Variants in SPARCL1 observed in about 807,000 individuals in gnomAD.
SPARCL1 encodes SPARC-like protein 1.
In SPARCL1, 52 loss-of-function variants were observed where a neutral mutation model predicts 67.1. That is an observed-to-expected ratio of 0.78 (90% CI 0.62 to 0.98). The LOEUF (loss-of-function observed/expected upper bound fraction) is 0.98, where lower values mean the gene tolerates loss of function less well. Among genes scored for constraint, SPARCL1 ranks in the 50% least tolerant of loss-of-function variants. The pLI, the probability that SPARCL1 is intolerant of heterozygous loss-of-function variation, is 0.00. For missense variants in SPARCL1, 717 were observed against 782.4 expected (o/e 0.92, Z 1.00); for synonymous variants, 226 against 267.8 (o/e 0.84, Z 1.52).
intron 1 of SPARCL1, among the ~76,000 whole-genome samples, chr4:87,526,525 C>G (rs138766779): frequency 5.9e-5 from 9 of 152,060 alleles, no homozygotes; most frequent in African/African-American, 2.2e-4. Flanking sequence ...TATTATTATC[C>G]CCATTTTGCT....
chr4:87,501,005 C>T (rs190515046), intron 1 of SPARCL1, among the ~76,000 whole-genome samples: 8 of 152,258 alleles, frequency 5.3e-5, no homozygotes, highest in African/African-American at 1.7e-4. Context: ...AATTGCCTTC[C>T]TTTTAAAGCT....
intron 1 of SPARCL1, among the ~76,000 whole-genome samples, chr4:87,507,519 T>A (rs1725147000): frequency 6.6e-6 from 1 of 152,210 alleles, no homozygotes; most frequent in South Asian, 2.1e-4. Context: ...ACACATAGTT[T>A]CTCTCTTAAG....
intron 10 of SPARCL1, among the ~76,000 whole-genome samples, chr4:87,474,743 CTT>C (rs11397474): frequency 7.7e-6 from 1 of 130,708 alleles, no homozygotes; most frequent in Admixed American, 7.9e-5. Flanking sequence ...CTCTCTCTCT[CTT>C]TTTTTTTTTT....
At chr4:87,524,438 G>T (rs1221348816) in intron 1 of SPARCL1, among the ~76,000 whole-genome samples, 1 of 152,166 alleles carries the variant, frequency 6.6e-6, no homozygotes, top group Non-Finnish European at 1.5e-5. Context: ...GTCTTAAAGT[G>T]TGAAACTTAT....
In SPARCL1 at chr4:87,491,637, G is replaced by T. The variant is rs1560817441; in HGVS notation, c.1272C>A (p.Asn424Lys). ...SNEEETSSEG[N>K]MRVHAVDSCM... The stretch of plus-strand genomic sequence containing the variant: ...ACTCACCCACAGCATGCACCCTCAT[G>T]TTGCCTTCACTTGACGTTTCCTCCT... The change falls in exon 5 of 11, where the codon AAC becomes AAA. Residue 424 changes from asparagine (N) to lysine (K), a missense_variant. Transcript: ENST00000282470. 1 of 1,613,486 alleles carries T rather than the reference G, an allele frequency of 6.2e-7. No homozygotes were observed. Among genetic ancestry groups the T allele is most frequent in the Admixed American group, 1.7e-5 (1 of 60,014 alleles).
chr4:87,479,621 G>T (rs755015814), intron 9 of SPARCL1, 43 bp from the exon 10 acceptor site: 1 of 1,598,558 alleles, frequency 6.3e-7, no homozygotes, highest in Non-Finnish European at 8.6e-7. Flanking sequence ...AGTAGCTTGT[G>T]CATGAAGATT....
intron 1 of SPARCL1, among the ~76,000 whole-genome samples, chr4:87,511,963 TTCTC>T (rs201957817): frequency 1.7e-5 from 2 of 119,496 alleles, no homozygotes; most frequent in African/African-American, 3.5e-5. Flanking sequence ...TCCTCTTTCT[TTCTC>T]TTTTTTTTTT....
Position 87,486,780 on chromosome 4 carries a change from C to T in SPARCL1, c.1531+3493G>A, listed in dbSNP as rs557854844. On this transcript the variant is annotated intron_variant, in intron 7 of 10. Coordinates refer to ENST00000282470, the MANE Select transcript of SPARCL1 (RefSeq NM_004684.6). The stretch of plus-strand genomic sequence containing the variant: ...GCATATATGTTTAGGATAGTTAGCT[C>T]TTCTTGTTGCATTTATCTCTTTACC... 5.3e-5 allele frequency among the ~76,000 whole-genome samples: 8 copies of T among 149,960 alleles called. No homozygotes were observed. In the East Asian group the frequency reaches 1.4e-3, roughly 26 times the overall value.
At chr4:87,492,790 GACTTT>G (rs61422187) in intron 4 of SPARCL1, among the ~76,000 whole-genome samples, 45,354 of 118,022 alleles carry the variant, frequency 0.38, 7,194 homozygotes, top group African/African-American at 0.57. Flanking sequence ...GCTGGCACAG[GACTTT>G]GTGGCTGCCA....
Position 87,493,811 on chromosome 4 carries a change from G to T in SPARCL1, c.989C>A (p.Thr330Asn). 3 of 1,614,060 alleles carry T rather than the reference G, an allele frequency of 1.9e-6. No homozygotes were observed. The highest frequency in any genetic ancestry group is 2.2e-5 in the East Asian group (1 of 44,868). Residue 330 changes from threonine (T) to asparagine (N), a missense_variant, in exon 4 of 11, where the codon ACC becomes AAC. Transcript: ENST00000282470. ...LLMEPTDDGN[T>N]TPRNHGVDDD... is the part of the protein sequence containing the mutation. ...ATCAACTCCATGATTTCTGGGCGTG[G>T]TATTACCATCATCAGTAGGTTCCAT...
chr4:87,481,289 C>G, intron 8 of SPARCL1, among the ~76,000 whole-genome samples: 1 of 152,180 alleles, frequency 6.6e-6, no homozygotes, highest in East Asian at 1.9e-4. Flanking sequence ...TGCGCATTCT[C>G]TGCTCCCCAC....
At chr4:87,519,496 T>C (rs942509079) in intron 1 of SPARCL1, among the ~76,000 whole-genome samples, 4 of 152,228 alleles carry the variant, frequency 2.6e-5, no homozygotes, top group African/African-American at 9.6e-5. Flanking sequence ...TCTGTAGCCA[T>C]AGCACTTTTA....
chr4:87,496,614 A>T (rs1431939139), intron 2 of SPARCL1, among the ~76,000 whole-genome samples: 1 of 152,208 alleles, frequency 6.6e-6, no homozygotes, highest in African/African-American at 2.4e-5. Context: ...AAAATATGTT[A>T]TAAATTTTAA....
chr4:87,477,677 C>T (rs1021634137), intron 10 of SPARCL1, among the ~76,000 whole-genome samples: 1 of 152,130 alleles, frequency 6.6e-6, no homozygotes, highest in Admixed American at 6.5e-5. Context: ...TGGGAGTGGG[C>T]TTAGAAGTAG....
intron 1 of SPARCL1, among the ~76,000 whole-genome samples, chr4:87,520,105 T>TG (rs1458792383): frequency 6.6e-6 from 1 of 152,026 alleles, no homozygotes; most frequent in Non-Finnish European, 1.5e-5. Flanking sequence ...CCAGGCGTGG[T>TG]GACAGGTGCC....
chr4:87,484,244 T>G (rs1046324616), intron 7 of SPARCL1, among the ~76,000 whole-genome samples: 12 of 152,230 alleles, frequency 7.9e-5, no homozygotes, highest in African/African-American at 2.9e-4. Flanking sequence ...TAATCCATCT[T>G]GAGTTAATTT....
intron 6 of SPARCL1, 133 bp from the exon 7 acceptor site, chr4:87,490,526 C>A: frequency 9.2e-7 from 1 of 1,092,758 alleles, no homozygotes; most frequent in Non-Finnish European, 1.3e-6. Context: ...CTATTAAAAT[C>A]GTAATTGTTC....
At chr4:87,489,353 G>T (rs567685275) in intron 7 of SPARCL1, among the ~76,000 whole-genome samples, 31 of 152,240 alleles carry the variant, frequency 2.0e-4, no homozygotes, top group African/African-American at 7.2e-4. Flanking sequence ...AGAGTTTCCC[G>T]ATCCCTTGCA....
chr4:87,500,273 G>C (rs1724791155), intron 1 of SPARCL1, among the ~76,000 whole-genome samples: 2 of 152,188 alleles, frequency 1.3e-5, no homozygotes, highest in African/African-American at 4.8e-5. Flanking sequence ...GCTGGCGTTT[G>C]TGCTTGATCT....
Sources: allele counts gnomAD v4.1 joint callset (sites outside exome capture counted in the v4.1 genomes callset), GRCh38; gene constraint gnomAD v4.1.1; transcripts MANE v1.5; gene names NCBI Gene and HGNC (gene_info 2026-07-23, HGNC 2026-07-21).